CD9: variants seen among roughly 807,000 people sequenced by gnomAD.
CD9 encodes the protein CD9 molecule.
CD9 carries 10 observed loss-of-function variants against 31.4 expected under a neutral mutation model. The observed-to-expected ratio is 0.32, with a 90% CI of 0.20 to 0.54. The LOEUF (loss-of-function observed/expected upper bound fraction) is 0.54. CD9 is among the 20% of genes least tolerant of loss of function. The pLI is 0.94. For synonymous variants in CD9, 113 were observed against 114.1 expected (o/e 0.99, Z 0.06); for missense variants, 259 against 300.1 (o/e 0.86, Z 1.01).
At chr12:6,220,780 A>G (rs1047505745) in intron 1 of CD9, among the ~76,000 whole-genome samples, 1 of 152,220 alleles carries the variant, frequency 6.6e-6, no homozygotes, top group Admixed American at 6.5e-5. Flanking sequence ...TAGTGTAGAG[A>G]ATTCCCTCAT....
At chr12:6,236,886 C>G in intron 7 of CD9, 1 of 197,054 alleles carries the variant, frequency 5.1e-6, no homozygotes, top group East Asian at 1.2e-4. Context: ...AGAATCGCCT[C>G]CTTTCTTAGT....
intron 1 of CD9, among the ~76,000 whole-genome samples, chr12:6,209,731 C>T (rs1413248494): frequency 7.0e-6 from 1 of 143,520 alleles, no homozygotes; most frequent in Non-Finnish European, 1.5e-5. Flanking sequence ...GTTGCCCAGG[C>T]TGGAGTGTAG....
At chr12:6,233,252 G>T (rs1946474318) in intron 3 of CD9, 160 bp from the exon 4 acceptor site, 2 of 649,194 alleles carry the variant, frequency 3.1e-6, no homozygotes, top group Non-Finnish European at 5.6e-6. Context: ...TTAACTGCCT[G>T]TTCTGTGAAC....
intron 1 of CD9, 94 bp from the exon 2 acceptor site, chr12:6,225,332 C>A: frequency 2.5e-6 from 2 of 805,358 alleles, no homozygotes; most frequent in Non-Finnish European, 4.4e-6. Flanking sequence ...CAAGGGTGGT[C>A]ACAAAGTCCT....
intron 7 of CD9, among the ~76,000 whole-genome samples, chr12:6,237,456 G>C (rs1775977504): frequency 6.6e-6 from 1 of 152,212 alleles, no homozygotes; most frequent in Non-Finnish European, 1.5e-5. Flanking sequence ...GTATGGACTA[G>C]GACTATAGGA....
intron 1 of CD9, among the ~76,000 whole-genome samples, chr12:6,202,375 CA>C (rs1946087173): frequency 6.6e-6 from 1 of 152,236 alleles, no homozygotes; most frequent in African/African-American, 2.4e-5. Context: ...CAATCCCTGG[CA>C]GCAGAAAAGT....
chr12:6,228,714 G>A (rs1946402000), intron 2 of CD9, among the ~76,000 whole-genome samples: 2 of 152,142 alleles, frequency 1.3e-5, no homozygotes, highest in African/African-American at 2.4e-5. Flanking sequence ...CCTTCCCCAC[G>A]AGGCTGTGAG....
chr12:6,237,384 A>G (rs2136642576), intron 7 of CD9, among the ~76,000 whole-genome samples: 1 of 152,158 alleles, frequency 6.6e-6, no homozygotes. Context: ...CTCCATCTCA[A>G]AAGAAAAAAA....
Position 6,200,405 on chromosome 12 carries a change from C to T in CD9, c.-95C>T, listed in dbSNP as rs1946061220. 3 of 798,180 alleles carry T rather than the reference C, an allele frequency of 3.8e-6. No homozygotes were observed. Among genetic ancestry groups the T allele is most frequent in the South Asian group, 2.8e-5 (2 of 71,408 alleles). 49.4% of individuals were successfully genotyped at this position (798,180 alleles called of 1,614,324 possible). On this transcript the variant is annotated 5_prime_UTR_variant, in exon 1 of 8. Transcript: ENST00000009180. The stretch of plus-strand genomic sequence containing the variant: ...GCAGCCGGAGACCAGCCTACAGCCG[C>T]CTGCATCTGTATCCAGCGCCAGGTC...
chr12:6,218,859 T>C (rs1276548807), intron 1 of CD9, among the ~76,000 whole-genome samples: 2 of 152,152 alleles, frequency 1.3e-5, no homozygotes, highest in East Asian at 1.9e-4. Flanking sequence ...TGGGTTCTCA[T>C]GTCTCCTGAG....
At chr12:6,236,751 T>A (rs541097393) in intron 7 of CD9, 372 of 328,660 alleles carry the variant, frequency 1.1e-3, no homozygotes, top group Admixed American at 2.1e-3. Context: ...CTTGGGGTCA[T>A]GTCCTCTCTT....
intron 4 of CD9, 81 bp downstream of exon 4, chr12:6,233,567 G>C: frequency 1.8e-6 from 2 of 1,094,486 alleles, no homozygotes; most frequent in Non-Finnish European, 2.8e-6. Context: ...TCCTGGCTGG[G>C]CACTTTGTTC....
At chr12:6,218,100 A>C (rs1410939434) in intron 1 of CD9, among the ~76,000 whole-genome samples, 3 of 151,922 alleles carry the variant, frequency 2.0e-5, no homozygotes, top group African/African-American at 7.3e-5. Flanking sequence ...GGTGGTGCAC[A>C]CCTGTAGTCC....
Position 6,200,453 on chromosome 12 carries a change from C to T in CD9, c.-47C>T, listed in dbSNP as rs751649662. 2.3e-6 allele frequency: 3 copies of T among 1,314,974 alleles called. No homozygotes were observed. Among genetic ancestry groups the T allele is most frequent in the Non-Finnish European group, 1.1e-6 (1 of 910,800 alleles). 81.5% of individuals were successfully genotyped at this position (1,314,974 alleles called of 1,614,324 possible). A position where few individuals can be genotyped will look rare whatever the true frequency, so the allele number is the denominator to read the frequency against. On this transcript the variant is annotated 5_prime_UTR_variant, in exon 1 of 8. Coordinates refer to ENST00000009180, the MANE Select transcript of CD9 (RefSeq NM_001769.4). ...GTCCCGCCAGTCCCAGCTGCGCGCG[C>T]CCCCCAGTCCCGCACCCGTTCGGCC...
chr12:6,230,487 G>T (rs1467081237), intron 2 of CD9, among the ~76,000 whole-genome samples: 1 of 152,250 alleles, frequency 6.6e-6, no homozygotes, highest in Non-Finnish European at 1.5e-5. Flanking sequence ...ATGTCTGCCT[G>T]TTCGTTCCCA....
At chr12:6,235,201 C>T (rs1946499866) in intron 4 of CD9, 28 bp from the exon 5 acceptor site, 4 of 1,479,852 alleles carry the variant, frequency 2.7e-6, no homozygotes, top group Non-Finnish European at 3.8e-6. Flanking sequence ...AATGCCGTCT[C>T]TGCCCCTCTC....
At position 6,232,772 on chromosome 12, in the gene CD9, C is replaced by T. The variant is rs1946465134; in HGVS notation, c.273+43C>T. 2 of 1,285,980 alleles carry T rather than the reference C, an allele frequency of 1.6e-6. No homozygotes were observed. The highest frequency in any genetic ancestry group is 2.2e-6 in the Non-Finnish European group (2 of 919,056). 79.7% of individuals were successfully genotyped at this position (1,285,980 alleles called of 1,614,324 possible). ...ATCCCCACAGCCACCCTGACTCCCACCAACAAAAACCTCAGCAGGCCCAGA... is the reference window on the plus strand; with the variant it reads ...ATCCCCACAGCCACCCTGACTCCCATCAACAAAAACCTCAGCAGGCCCAGA... On this transcript the variant is annotated intron_variant, in intron 3 of 7. Transcript: ENST00000009180. This position sits in a 1 kb window ranked among gnomAD's most constrained non-coding sequence, Gnocchi z 4.8.
At chr12:6,228,731 C>T (rs1370294306) in intron 2 of CD9, among the ~76,000 whole-genome samples, 1 of 152,226 alleles carries the variant, frequency 6.6e-6, no homozygotes, top group East Asian at 1.9e-4. Context: ...TGAGACCAGC[C>T]TTCTGTACTG....
chr12:6,200,357 A>G (rs1432761944), upstream of CD9: 1 of 501,618 alleles, frequency 2.0e-6, no homozygotes, highest in African/African-American at 2.0e-5. Flanking sequence ...CGCGCGCCCT[A>G]AGGAGTGGCA....
Sources: allele counts gnomAD v4.1 joint callset (sites outside exome capture counted in the v4.1 genomes callset), GRCh38; gene constraint gnomAD v4.1.1; non-coding constraint Gnocchi (gnomAD v3.1); transcripts MANE v1.5; gene names NCBI Gene and HGNC (gene_info 2026-07-23, HGNC 2026-07-21).